The following CDH12 variants were observed in gnomAD, a reference collection of about 807,000 sequenced individuals.
CDH12 encodes the protein cadherin-12.
Under a neutral mutation model 74.1 loss-of-function variants are expected in CDH12, and 41 were observed. The observed-to-expected ratio is 0.55, with a 90% CI of 0.43 to 0.72. The LOEUF is 0.72. Ranked by LOEUF, CDH12 falls within the 30% of genes least tolerant of loss-of-function variation. The probability of loss-of-function intolerance (pLI) is 0.00; values close to 1 mark genes in which losing one functional copy is unlikely to be tolerated. For missense variants in CDH12, 945 were observed against 977.2 expected, an observed-to-expected ratio of 0.97 and a Z score of 0.44; for synonymous variants, 399 against 355.0, an observed-to-expected ratio of 1.12 and a Z score of -1.39.
In CDH12 at chr5:22,504,929, G is replaced by T. The variant is rs184958890; in HGVS notation, c.-428+341C>A. ...CATCATAAAAAAACAGAATAAAAAA[G>T]GCAGAAATCACTTTCTGTTTTTAGG... On this transcript the variant is annotated intron_variant, in intron 2 of 14. Transcript: ENST00000382254. Among the ~76,000 whole-genome samples, 1,361 of 151,888 alleles carry T rather than the reference G, an allele frequency of 9.0e-3. 22 individuals are homozygous for T. Among genetic ancestry groups the T allele is most frequent in the African/African-American group, 0.031 (1,295 of 41,476 alleles).
chr5:22,085,322 G>A (rs1742995445), intron 4 of CDH12, among the ~76,000 whole-genome samples: 1 of 152,122 alleles, frequency 6.6e-6, no homozygotes, highest in Non-Finnish European at 1.5e-5. Flanking sequence ...TAAATGGGGA[G>A]TGTTTGCTTT....
chr5:22,296,097 C>G (rs982169984), intron 3 of CDH12, among the ~76,000 whole-genome samples: 5 of 151,318 alleles, frequency 3.3e-5, no homozygotes, highest in Non-Finnish European at 7.4e-5. Context: ...AAAAATAATG[C>G]TTAAAGGGAA....
At chr5:22,100,531 A>C (rs375317303) in intron 4 of CDH12, among the ~76,000 whole-genome samples, 93 of 152,180 alleles carry the variant, frequency 6.1e-4, no homozygotes, top group African/African-American at 2.1e-3. Flanking sequence ...TATTAAGTTT[A>C]ACTCTTGATG....
At chr5:22,660,540 T>C (rs960373243) in intron 1 of CDH12, among the ~76,000 whole-genome samples, 4 of 152,114 alleles carry the variant, frequency 2.6e-5, no homozygotes, top group African/African-American at 9.7e-5. Context: ...GCCCCCGGAG[T>C]AGCTGTGACT....
At chr5:22,562,396 T>TA (rs1164526269) in intron 1 of CDH12, among the ~76,000 whole-genome samples, 82 of 152,124 alleles carry the variant, frequency 5.4e-4, no homozygotes, top group Non-Finnish European at 9.0e-4. Context: ...GCTAGGAATT[T>TA]AAAAAAATAC....
At chr5:22,284,536 G>C (rs956965945) in intron 3 of CDH12, among the ~76,000 whole-genome samples, 1 of 152,174 alleles carries the variant, frequency 6.6e-6, no homozygotes, top group Non-Finnish European at 1.5e-5. Context: ...TTCCTGCCAT[G>C]TGGGCTCTTA....
At chr5:22,057,919 C>A (rs1432498324) in intron 5 of CDH12, among the ~76,000 whole-genome samples, 1 of 152,074 alleles carries the variant, frequency 6.6e-6, no homozygotes, top group Non-Finnish European at 1.5e-5. Flanking sequence ...AGGTTTTAAT[C>A]AAAGGGAAAA....
chr5:22,094,587 A>G (rs1325851223), intron 4 of CDH12, among the ~76,000 whole-genome samples: 1 of 152,082 alleles, frequency 6.6e-6, no homozygotes, highest in Non-Finnish European at 1.5e-5. Context: ...GAAAGAAGAA[A>G]GGAGATTTTA....
intron 3 of CDH12, among the ~76,000 whole-genome samples, chr5:22,321,079 G>A (rs1222012785): frequency 2.0e-5 from 3 of 152,028 alleles, no homozygotes; most frequent in African/African-American, 7.3e-5. Context: ...TGAAACTTTC[G>A]TTTTAGTAAA....
chr5:22,389,859 A>G (rs1233253554), intron 3 of CDH12, among the ~76,000 whole-genome samples: 1 of 152,022 alleles, frequency 6.6e-6, no homozygotes. Context: ...TGTGTTAGCC[A>G]GGATGGTCTC....
intron 2 of CDH12, among the ~76,000 whole-genome samples, chr5:22,416,907 T>A (rs1743415907): frequency 6.6e-6 from 1 of 152,166 alleles, no homozygotes; most frequent in Non-Finnish European, 1.5e-5. Context: ...AGCTACAAAT[T>A]TAAGATATTT....
intron 3 of CDH12, among the ~76,000 whole-genome samples, chr5:22,273,914 G>T (rs995502175): frequency 6.6e-6 from 1 of 152,002 alleles, no homozygotes; most frequent in Non-Finnish European, 1.5e-5. Flanking sequence ...ACATATTACA[G>T]CATTCAAGTA....
At position 22,288,894 on chromosome 5, in the gene CDH12, T is replaced by C. The variant is rs932300809; in HGVS notation, c.-332-76251A>G. Among the ~76,000 whole-genome samples the C allele has an allele frequency of 1.2e-4, 19 of 152,250 alleles. No individual in the cohort carries two copies. In the East Asian group the frequency reaches 3.5e-3, roughly 28 times the overall value. ...AGTGGGTAGAGAGAAATAGTGTTAA[T>C]ACTGAGGAAATATAAAAATGAAAAC... is the stretch of plus-strand genomic sequence containing the variant. On this transcript the variant is annotated intron_variant, in intron 3 of 14. Coordinates refer to ENST00000382254, the MANE Select transcript of CDH12 (RefSeq NM_004061.5).
chr5:22,123,196 T>C (rs1255616612), intron 4 of CDH12, among the ~76,000 whole-genome samples: 1 of 152,098 alleles, frequency 6.6e-6, no homozygotes, highest in African/African-American at 2.4e-5. Flanking sequence ...AGAAGAGAAC[T>C]TGGAGATCTC....
At chr5:22,665,290 C>T (rs1447507477) in intron 1 of CDH12, among the ~76,000 whole-genome samples, 2 of 152,182 alleles carry the variant, frequency 1.3e-5, no homozygotes, top group African/African-American at 2.4e-5. Context: ...TATATGTTTT[C>T]ATCAAGCATC....
chr5:22,685,796 A>T (rs1157822143), intron 1 of CDH12, among the ~76,000 whole-genome samples: 3 of 152,166 alleles, frequency 2.0e-5, no homozygotes, highest in Non-Finnish European at 2.9e-5. Context: ...TCCATTCATC[A>T]GTTGGTGGAC....
At chr5:21,881,188 T>C (rs1271054108) in intron 6 of CDH12, among the ~76,000 whole-genome samples, 1 of 152,182 alleles carries the variant, frequency 6.6e-6, no homozygotes, top group Non-Finnish European at 1.5e-5. Flanking sequence ...TTTTATATGA[T>C]TTCTTTTGGG....
At chr5:22,286,898 G>C (rs549782823) in intron 3 of CDH12, among the ~76,000 whole-genome samples, 1 of 152,198 alleles carries the variant, frequency 6.6e-6, no homozygotes, top group Admixed American at 6.5e-5. Context: ...GTTTGTACTG[G>C]ATGCTTTGCC....
chr5:22,193,775 C>T (rs1161144557), intron 4 of CDH12, among the ~76,000 whole-genome samples: 3 of 151,830 alleles, frequency 2.0e-5, no homozygotes, highest in Non-Finnish European at 4.4e-5. Flanking sequence ...TCATCAGACT[C>T]CACTGTACTC....
Sources: allele counts gnomAD v4.1 joint callset (sites outside exome capture counted in the v4.1 genomes callset), GRCh38; gene constraint gnomAD v4.1.1; transcripts MANE v1.5; gene names NCBI Gene and HGNC (gene_info 2026-07-23, HGNC 2026-07-21).